IFT172: variants seen among roughly 807,000 people sequenced by gnomAD.
IFT172 encodes the protein intraflagellar transport protein 172 homolog.
IFT172 carries 164 observed loss-of-function variants against 248.9 expected under a neutral mutation model. The observed-to-expected ratio is 0.66, with a 90% CI of 0.58 to 0.75. IFT172 has a LOEUF of 0.75. IFT172 is among the 30% of genes least tolerant of loss of function. The pLI is 0.00. For synonymous variants in IFT172, 729 were observed against 791.6 expected (o/e 0.92, Z 1.33); for missense variants, 1,950 against 2,192.4 (o/e 0.89, Z 2.21).
rs1382461907 is a variant in IFT172, at chr2:27,461,379, GC to G, written c.2331del (p.Leu778SerfsTer10). ...ACCAGCCGAGCAGCTTTGGCAGGGA[GC>G]CCAGCTTTGAGGTAGAGGCTGATGG... ...LAAISLYLKAGLPAKAARLVL... is the reference protein window; with the variant it reads ...LAAISLYLKAXLPAKAARLVL... On this transcript the variant is annotated frameshift_variant, in exon 22 of 48. Transcript: ENST00000260570. LOFTEE classifies it high-confidence loss of function. The G allele has an allele frequency of 5.6e-6, 9 of 1,614,164 alleles. No individual in the cohort carries two copies. Among genetic ancestry groups the G allele is most frequent in the Non-Finnish European group, 7.6e-6 (9 of 1,180,014 alleles).
intron 6 of IFT172, 95 bp from the exon 7 acceptor site, chr2:27,483,471 C>G: frequency 7.1e-7 from 1 of 1,413,988 alleles, no homozygotes; most frequent in Non-Finnish European, 1.0e-6. Context: ...GTCTGTGCTT[C>G]CTGCTACCAG....
chr2:27,448,974 C>T lies in IFT172; in HGVS notation c.4369G>A (p.Gly1457Ser), dbSNP rs779491564. 1 of 1,612,728 alleles carries T rather than the reference C, an allele frequency of 6.2e-7. No individual in the cohort carries two copies. The highest frequency in any genetic ancestry group is 1.7e-5 in the Admixed American group (1 of 60,020). The change falls in exon 40 of 48, where the codon GGT becomes AGT. Residue 1457 changes from glycine (G) to serine (S), a missense_variant. This residue lies in a region of IFT172 where 620 missense variants were observed against 699.0 expected (regional missense o/e 0.89). Transcript: ENST00000260570. ...ALYATHLIREGSSAQALALYV... is the reference protein window; with the variant it reads ...ALYATHLIRESSSAQALALYV... ...AGGGCCAATGCCTGGGCAGAGCTAC[C>T]CTCCCGGATCAAGTGAGTTGCATAC...
At chr2:27,450,613 CAG>C (rs1411350963) in intron 35 of IFT172, among the ~76,000 whole-genome samples, 1 of 152,142 alleles carries the variant, frequency 6.6e-6, no homozygotes, top group Non-Finnish European at 1.5e-5. Context: ...TTTTTTAAGA[CAG>C]AGTCTTGCTA....
intron 33 of IFT172, 59 bp downstream of exon 33, chr2:27,453,923 C>T: frequency 6.5e-7 from 1 of 1,540,196 alleles, no homozygotes; most frequent in Non-Finnish European, 8.8e-7. Flanking sequence ...CAGTGTGGCT[C>T]TCTGTGGGCT....
chr2:27,453,337 T>A, intron 35 of IFT172, 47 bp downstream of exon 35: 1 of 1,612,336 alleles, frequency 6.2e-7, no homozygotes, highest in Non-Finnish European at 8.5e-7. Context: ...CAAGTGTGAA[T>A]AGAGGCCTAG....
rs769327900 is a variant in IFT172 at position 27,485,513 on chromosome 2, C to A, written c.40-10G>T. 3.7e-6 allele frequency: 6 copies of A among 1,613,648 alleles called. No individual in the cohort carries two copies. In the Admixed American group the frequency reaches 1.0e-4, roughly 27 times the overall value. The stretch of plus-strand genomic sequence containing the variant: ...CCTTTGCAGCTCCATCCTGTAGAGG[C>A]AAAGGGGTAAAAACAAACCCATGTG... On this transcript the variant is annotated splice_polypyrimidine_tract_variant and intron_variant, in intron 1 of 47. Coordinates refer to ENST00000260570, the MANE Select transcript of IFT172 (RefSeq NM_015662.3).
intron 18 of IFT172, among the ~76,000 whole-genome samples, chr2:27,463,404 TAAAG>T (rs1316501343): frequency 1.3e-5 from 2 of 151,926 alleles, no homozygotes; most frequent in Non-Finnish European, 2.9e-5. Flanking sequence ...AAAAATAAAA[TAAAG>T]TAATGTAATA....
intron 23 of IFT172, among the ~76,000 whole-genome samples, chr2:27,460,713 C>A (rs1344215629): frequency 8.8e-6 from 1 of 113,218 alleles, no homozygotes; most frequent in Non-Finnish European, 1.8e-5. Context: ...ACCCTCTCCC[C>A]ACAATTGTCT....
chr2:27,465,358 T>C (rs760246825), intron 18 of IFT172, 53 bp downstream of exon 18: 2 of 1,438,194 alleles, frequency 1.4e-6, no homozygotes, highest in East Asian at 2.3e-5. Context: ...AAAATACTCA[T>C]GTGATTATCC....
At chr2:27,444,555 G>A (rs768451674) in intron 47 of IFT172, 34 bp from the exon 48 acceptor site, 5 of 1,536,238 alleles carry the variant, frequency 3.3e-6, no homozygotes, top group Non-Finnish European at 4.5e-6. Flanking sequence ...AGAGGAACTT[G>A]TTAATGCTGG....
rs1260987246 is a variant in IFT172, at chr2:27,450,043, A to C, written c.4005T>G (p.Val1335=). 6.2e-7 allele frequency: 1 copy of C among 1,614,170 alleles called. No individual in the cohort carries two copies. The highest frequency in any genetic ancestry group is 1.3e-5 in the African/African-American group (1 of 75,044). ...FLPPQRNMEV[V]LAVGPQLIGI... is the part of the protein sequence containing the mutation. ...CAATCAGCTGGGGTCCTACAGCCAG[A>C]ACGACTTCCATATTACGTTGGGGAG... The change falls in exon 36 of 48, where the codon GTT becomes GTG. Residue 1335 remains valine (V), a synonymous_variant. Transcript: ENST00000260570.
intron 39 of IFT172, 120 bp from the exon 40 acceptor site, chr2:27,449,151 A>C (rs568825505): frequency 1.7e-6 from 2 of 1,179,932 alleles, no homozygotes; most frequent in African/African-American, 1.5e-5. Flanking sequence ...CTCTGACCCC[A>C]GTTTCAGACT....
chr2:27,481,326 A>G, intron 7 of IFT172, 66 bp from the exon 8 acceptor site: 2 of 1,182,458 alleles, frequency 1.7e-6, no homozygotes, highest in East Asian at 5.0e-5. Flanking sequence ...CCTCACTCTC[A>G]ACACCTGGTA....
Position 27,458,186 on chromosome 2 carries a change from A to G in IFT172, c.2915T>C (p.Val972Ala). The G allele has an allele frequency of 6.2e-7, 1 of 1,614,114 alleles. No individual in the cohort carries two copies. Among genetic ancestry groups the G allele is most frequent in the South Asian group, 1.1e-5 (1 of 91,082 alleles). ...MKCMRPEDVS[V>A]LYITQAQEME... ...TTCCTGGGCCTGAGTGATGTATAGCACTGACACATCTTCTGGTCTCATGCA... is the reference window on the plus strand; with the variant it reads ...TTCCTGGGCCTGAGTGATGTATAGCGCTGACACATCTTCTGGTCTCATGCA... The change falls in exon 27 of 48, where the codon GTG becomes GCG. Residue 972 changes from valine (V) to alanine (A), a missense_variant. Coordinates refer to ENST00000260570, the MANE Select transcript of IFT172 (RefSeq NM_015662.3).
At chr2:27,479,912 CA>C (rs1668234106) in intron 9 of IFT172, 113 bp downstream of exon 9, 3 of 1,384,622 alleles carry the variant, frequency 2.2e-6, no homozygotes, top group Non-Finnish European at 2.9e-6. Flanking sequence ...AGGTCAGGGT[CA>C]AAAGGAAAGA....
chr2:27,482,144 G>A (rs553744971), intron 7 of IFT172, among the ~76,000 whole-genome samples: 7 of 150,636 alleles, frequency 4.6e-5, no homozygotes, highest in Admixed American at 6.6e-5. Context: ...CACCATGCCC[G>A]GCTAATTTTT....
rs1468644862 is a variant in IFT172, at chr2:27,449,012, T to C, written c.4331A>G (p.Lys1444Arg). ...GTGAGTTGCATACAAAGCCACATAC[T>C]TGTGCAGAATCTTGTAGTTCTGTAC... ...ATKQNYKILH[K>R]YVALYATHLI... The change falls in exon 40 of 48, where the codon AAG becomes AGG. Residue 1444 changes from lysine to arginine, a missense_variant. Lys to Arg is a conservative substitution (Grantham distance 26). Around this residue, in one of 3 missense-constraint regions of IFT172, gnomAD observed 620 missense variants for 699.0 expected, o/e 0.89. Coordinates refer to ENST00000260570, the MANE Select transcript of IFT172 (RefSeq NM_015662.3). 6.2e-7 allele frequency: 1 copy of C among 1,605,020 alleles called. No individual in the cohort carries two copies. The highest frequency in any genetic ancestry group is 1.1e-5 in the South Asian group (1 of 90,892).
Position 27,481,036 on chromosome 2 carries a change from G to A in IFT172, c.785+10C>T. ...AGTAGGCAGTAGATAAAACTGGAAA[G>A]GGGACTTACCTGTCATAACTTCCTA... is the stretch of plus-strand genomic sequence containing the variant. On this transcript the variant is annotated intron_variant, in intron 8 of 47. Transcript: ENST00000260570. 2 of 1,608,352 alleles carry A rather than the reference G, an allele frequency of 1.2e-6. No homozygotes were observed. Among genetic ancestry groups the A allele is most frequent in the Admixed American group, 1.7e-5 (1 of 59,982 alleles).
chr2:27,469,825 G>A (rs1667416228), intron 16 of IFT172, among the ~76,000 whole-genome samples: 2 of 151,870 alleles, frequency 1.3e-5, no homozygotes, highest in African/African-American at 2.4e-5. Flanking sequence ...GAGAGACTCT[G>A]TCTCAAATAA....
Sources: gnomAD v4.1 joint callset for allele counts (sites outside exome capture counted in the v4.1 genomes callset) on GRCh38, gnomAD v4.1.1 for gene constraint, gnomAD v4.1.1 regional missense constraint, MANE v1.5 for transcripts, NCBI Gene and HGNC (gene_info 2026-07-23, HGNC 2026-07-21) for gene names.